SORBS2: variants seen among roughly 807,000 people sequenced by gnomAD.
The protein encoded by SORBS2 is sorbin and SH3 domain-containing protein 2.
SORBS2 carries 46 observed loss-of-function variants against 97.7 expected under a neutral mutation model. The observed-to-expected ratio is 0.47, with a 90% CI of 0.37 to 0.60. SORBS2 has a LOEUF of 0.60. SORBS2 is among the 20% of genes least tolerant of loss of function. The probability of loss-of-function intolerance (pLI) is 0.00; values close to 1 mark genes in which losing one functional copy is unlikely to be tolerated. For synonymous variants in SORBS2, 476 were observed against 473.4 expected (o/e 1.01, Z -0.07); for missense variants, 1,316 against 1,282.3 (o/e 1.03, Z -0.40).
At chr4:185,748,812 C>T (rs150680315) in intron 2 of SORBS2, among the ~76,000 whole-genome samples, 2 of 152,272 alleles carry the variant, frequency 1.3e-5, no homozygotes, top group Non-Finnish European at 2.9e-5. Flanking sequence ...ATTTTGCCTT[C>T]GGCAAGTGGA....
chr4:185,888,837 C>T (rs2099241016), intron 1 of SORBS2, among the ~76,000 whole-genome samples: 1 of 152,226 alleles, frequency 6.6e-6, no homozygotes, highest in African/African-American at 2.4e-5. Flanking sequence ...CTCATTGTCT[C>T]ATCTGAAAAC....
rs549256300 is a variant in SORBS2, at chr4:185,928,515, C to G, written c.-338+27681G>C. Among the ~76,000 whole-genome samples, 83 of 152,208 alleles carry G rather than the reference C, an allele frequency of 5.5e-4. 1 individual carries two copies. The highest frequency in any genetic ancestry group is 9.3e-4 in the Non-Finnish European group (63 of 68,008). ...GCGGGAGAGTCAGGCACGTGGGGCC[C>G]CAGTATCTCATGGATTTCATGTATA... On this transcript the variant is annotated intron_variant, in intron 1 of 20. Coordinates refer to the SORBS2 transcript ENST00000284776.
chr4:185,631,031 AC>A (rs2096897664), intron 4 of SORBS2, among the ~76,000 whole-genome samples: 1 of 152,244 alleles, frequency 6.6e-6, no homozygotes, highest in Non-Finnish European at 1.5e-5. Context: ...ATAAAACATC[AC>A]ATTTTAAAGT....
intron 1 of SORBS2, among the ~76,000 whole-genome samples, chr4:185,812,738 T>C (rs2099188980): frequency 6.6e-6 from 1 of 152,226 alleles, no homozygotes; most frequent in South Asian, 2.1e-4. Context: ...GGTAGACTAT[T>C]TTAATAAGAT....
chr4:185,954,251 A>T (rs7683250), intron 1 of SORBS2, among the ~76,000 whole-genome samples: 32,343 of 152,100 alleles, frequency 0.21, 3,932 homozygotes, highest in East Asian at 0.59. Flanking sequence ...ATGGGCTAAT[A>T]CACCTTCTCA....
chr4:185,796,509 G>A (rs113364655), intron 1 of SORBS2, among the ~76,000 whole-genome samples: 44 of 77,054 alleles, frequency 5.7e-4, no homozygotes, highest in Non-Finnish European at 5.3e-4. Flanking sequence ...ATGCCTGGGC[G>A]CTGTGGCCAC....
Position 185,837,787 on chromosome 4 carries a change from G to T in SORBS2, c.-337-62421C>A, listed in dbSNP as rs757526094. Reference sequence around the variant, plus strand: ...ATGAAAAGAATCTCAAAAGAAAAATGATTTAAATTACTCTAAGACTATACA... The same window carrying T: ...ATGAAAAGAATCTCAAAAGAAAAATTATTTAAATTACTCTAAGACTATACA... On this transcript the variant is annotated intron_variant, in intron 1 of 20. Coordinates refer to the SORBS2 transcript ENST00000284776. Among the ~76,000 whole-genome samples the T allele has an allele frequency of 1.7e-3, 252 of 151,086 alleles. 13 individuals carry two copies. The highest frequency in any genetic ancestry group is 4.7e-4 in the Non-Finnish European group (32 of 67,780).
intron 3 of SORBS2, 126 bp downstream of exon 12, chr4:185,649,341 T>C: frequency 2.6e-6 from 2 of 768,314 alleles, no homozygotes; most frequent in Non-Finnish European, 2.0e-6. Flanking sequence ...ATGGTATATG[T>C]ATAGACTAGC....
At chr4:185,818,942 T>C (rs1232379339) in intron 1 of SORBS2, among the ~76,000 whole-genome samples, 2 of 152,222 alleles carry the variant, frequency 1.3e-5, no homozygotes, top group African/African-American at 4.8e-5. Flanking sequence ...ATCTGAGAGC[T>C]GATACCTGAC....
At chr4:185,597,518 T>TA (rs2096135794) in intron 12 of SORBS2, among the ~76,000 whole-genome samples, 1 of 152,010 alleles carries the variant, frequency 6.6e-6, no homozygotes, top group African/African-American at 2.4e-5. Context: ...GACAAATAGG[T>TA]AAAAAACAAA....
At chr4:185,729,666 A>T (rs1168544533) in intron 2 of SORBS2, among the ~76,000 whole-genome samples, 1 of 152,250 alleles carries the variant, frequency 6.6e-6, no homozygotes, top group Non-Finnish European at 1.5e-5. Flanking sequence ...GTGCTTCATT[A>T]CTTTTCCTCT....
intron 2 of SORBS2, among the ~76,000 whole-genome samples, chr4:185,743,096 AG>A (rs2098737549): frequency 6.6e-6 from 1 of 152,236 alleles, no homozygotes; most frequent in South Asian, 2.1e-4. Context: ...TCTCAAGGTT[AG>A]AAAGGGGGTA....
chr4:185,644,028 G>A (rs765907416), intron 4 of SORBS2, among the ~76,000 whole-genome samples: 4 of 152,090 alleles, frequency 2.6e-5, no homozygotes, highest in Non-Finnish European at 4.4e-5. Context: ...ATTTATAGAG[G>A]CAATTGAAAC....
intron 4 of SORBS2, among the ~76,000 whole-genome samples, chr4:185,642,912 T>C (rs1020832425): frequency 4.6e-5 from 7 of 152,254 alleles, no homozygotes; most frequent in Non-Finnish European, 1.0e-4. Flanking sequence ...ATAGGCTTCA[T>C]GGATAAACAA....
intron 1 of SORBS2, among the ~76,000 whole-genome samples, chr4:185,945,992 A>G (rs566883632): frequency 6.6e-6 from 1 of 152,226 alleles, no homozygotes; most frequent in East Asian, 1.9e-4. Context: ...GATGGTCAAG[A>G]CTTTGTAATC....
At chr4:185,714,453 C>CT (rs11367790) in intron 2 of SORBS2, among the ~76,000 whole-genome samples, 11 of 151,176 alleles carry the variant, frequency 7.3e-5, no homozygotes, top group East Asian at 3.9e-4. Flanking sequence ...TTAGTTTAGG[C>CT]TTTTTTTTTT....
chr4:185,752,678 C>G (rs570940653), intron 2 of SORBS2, among the ~76,000 whole-genome samples: 3 of 152,184 alleles, frequency 2.0e-5, no homozygotes, highest in Non-Finnish European at 4.4e-5. Flanking sequence ...CAATGACATG[C>G]TAAGCACAGT....
chr4:185,717,329 T>C (rs2098474158), intron 2 of SORBS2, among the ~76,000 whole-genome samples: 1 of 151,028 alleles, frequency 6.6e-6, no homozygotes, highest in African/African-American at 2.5e-5. Flanking sequence ...ATAATTTTTT[T>C]CTGTTACTTC....
At chr4:185,666,981 G>A (rs2097615463) in intron 4 of SORBS2, among the ~76,000 whole-genome samples, 1 of 152,340 alleles carries the variant, frequency 6.6e-6, no homozygotes, top group East Asian at 1.9e-4. Context: ...ACATAGCGAA[G>A]GGATGCTCTG....
Sources: allele counts gnomAD v4.1 joint callset (sites outside exome capture counted in the v4.1 genomes callset), GRCh38; gene constraint gnomAD v4.1.1; transcripts MANE v1.5; gene names NCBI Gene and HGNC (gene_info 2026-07-23, HGNC 2026-07-21).